EVI5: variants seen among roughly 807,000 people sequenced by gnomAD.
The protein encoded by EVI5 is ecotropic viral integration site 5 protein homolog.
A neutral mutation model predicts 112.0 loss-of-function variants in EVI5; 73 were observed. The observed-to-expected ratio is 0.65, with a 90% confidence interval of 0.54 to 0.79. The LOEUF (loss-of-function observed/expected upper bound fraction) is 0.79, where lower values mean the gene tolerates loss of function less well. Among genes scored for constraint, EVI5 ranks in the 30% least tolerant of loss-of-function variants. The pLI is 0.00. For missense variants in EVI5, 900 were observed against 968.8 expected (o/e 0.93, Z 0.94); for synonymous variants, 305 against 319.9 (o/e 0.95, Z 0.50).
intron 1 of EVI5, among the ~76,000 whole-genome samples, chr1:92,773,075 C>T (rs1192861908): frequency 1.3e-5 from 2 of 149,780 alleles, no homozygotes; most frequent in Non-Finnish European, 3.0e-5. Flanking sequence ...GATGTGGTGG[C>T]ACATGCCTGT....
chr1:92,759,467 G>C (rs945711357), intron 1 of EVI5, among the ~76,000 whole-genome samples: 4 of 152,086 alleles, frequency 2.6e-5, no homozygotes, highest in African/African-American at 9.7e-5. Context: ...TTTTTTAAAA[G>C]TATGTTTATA....
intron 4 of EVI5, 61 bp downstream of exon 4, chr1:92,703,334 T>C: frequency 2.0e-6 from 2 of 1,013,486 alleles, no homozygotes; most frequent in Non-Finnish European, 1.5e-6. Flanking sequence ...TCATGAAAAA[T>C]GTATAATTTC....
intron 19 of EVI5, 26 bp downstream of exon 19, chr1:92,563,616 T>C (rs752318907): frequency 4.1e-6 from 5 of 1,212,444 alleles, no homozygotes; most frequent in African/African-American, 1.5e-5. Context: ...GAAAGCAATA[T>C]GTGAAGATCA....
chr1:92,526,360 C>T (rs180981639), intron 19 of EVI5, among the ~76,000 whole-genome samples: 2 of 152,258 alleles, frequency 1.3e-5, no homozygotes, highest in East Asian at 3.9e-4. Flanking sequence ...TGCCCAGCCA[C>T]CAATTATTCT....
chr1:92,655,805 T>C (rs746585955), intron 13 of EVI5, among the ~76,000 whole-genome samples: 2 of 152,122 alleles, frequency 1.3e-5, no homozygotes, highest in Non-Finnish European at 2.9e-5. Flanking sequence ...GTACCCGATA[T>C]AGGAGGTACC....
At chr1:92,622,534 T>C (rs750496615) in intron 16 of EVI5, among the ~76,000 whole-genome samples, 1 of 152,216 alleles carries the variant, frequency 6.6e-6, no homozygotes, top group African/African-American at 2.4e-5. Context: ...GTCCTTAAAA[T>C]GACAGAACTG....
At chr1:92,593,559 A>G (rs1425617518) in intron 18 of EVI5, among the ~76,000 whole-genome samples, 1 of 152,150 alleles carries the variant, frequency 6.6e-6, no homozygotes, top group Non-Finnish European at 1.5e-5. Context: ...AGTGTTGGAA[A>G]TTCTGGCCAG....
At chr1:92,718,991 C>G (rs911198787) in intron 2 of EVI5, among the ~76,000 whole-genome samples, 1 of 152,128 alleles carries the variant, frequency 6.6e-6, no homozygotes, top group Non-Finnish European at 1.5e-5. Flanking sequence ...CCAAGCTAAA[C>G]CAGGAAGAAG....
intron 19 of EVI5, among the ~76,000 whole-genome samples, chr1:92,540,259 C>G (rs1664580578): frequency 6.6e-6 from 1 of 152,138 alleles, no homozygotes; most frequent in African/African-American, 2.4e-5. Flanking sequence ...TGAGGACCTG[C>G]TATATACTGT....
At chr1:92,746,403 G>A (rs955075561) in intron 1 of EVI5, among the ~76,000 whole-genome samples, 3 of 152,060 alleles carry the variant, frequency 2.0e-5, no homozygotes, top group African/African-American at 7.2e-5. Flanking sequence ...AATTCCCTTT[G>A]CAGCTATACA....
chr1:92,608,102 G>C lies in EVI5; in HGVS notation c.1828-375C>G, dbSNP rs2101609484. Among the ~76,000 whole-genome samples, 2 of 151,202 alleles carry C rather than the reference G, an allele frequency of 1.3e-5. 1 individual carries two copies. Among genetic ancestry groups the C allele is most frequent in the Middle Eastern group, 6.8e-3 (2 of 292 alleles). On this transcript the variant is annotated intron_variant, in intron 16 of 19. Transcript: ENST00000684568. ...GGAGGTGGAGCCTGCAGTGAGCGGAGACTGAGCCACTGCACTCCAGCCTGG... is the reference window on the plus strand; with the variant it reads ...GGAGGTGGAGCCTGCAGTGAGCGGACACTGAGCCACTGCACTCCAGCCTGG...
At chr1:92,525,287 T>TTTTTTTTG (rs59187992) in intron 19 of EVI5, among the ~76,000 whole-genome samples, 1 of 148,556 alleles carries the variant, frequency 6.7e-6, no homozygotes. Flanking sequence ...TTTTTTTTTT[T>TTTTTTTTG]GAGACAGAGT....
intron 18 of EVI5, among the ~76,000 whole-genome samples, chr1:92,593,703 A>C (rs1169445922): frequency 1.3e-5 from 2 of 152,202 alleles, no homozygotes; most frequent in African/African-American, 2.4e-5. Context: ...CCTTAAGCTG[A>C]TAAGCAACTT....
intron 13 of EVI5, among the ~76,000 whole-genome samples, chr1:92,648,034 C>T (rs545956917): frequency 6.9e-6 from 1 of 144,992 alleles, no homozygotes; most frequent in African/African-American, 2.5e-5. Flanking sequence ...CATGAGCCAC[C>T]ATGCCTGGCC....
intron 19 of EVI5, among the ~76,000 whole-genome samples, chr1:92,539,838 C>T (rs1439307331): frequency 6.6e-6 from 1 of 152,154 alleles, no homozygotes; most frequent in Non-Finnish European, 1.5e-5. Context: ...AAATAAACCA[C>T]ACACCTCTTA....
intron 10 of EVI5, among the ~76,000 whole-genome samples, chr1:92,673,891 T>C (rs981557766): frequency 6.6e-6 from 1 of 152,276 alleles, no homozygotes. Flanking sequence ...ACCCCAAAGG[T>C]CTTATAATTT....
At chr1:92,633,855 A>AGC (rs1319327940) in intron 14 of EVI5, among the ~76,000 whole-genome samples, 4 of 151,932 alleles carry the variant, frequency 2.6e-5, no homozygotes, top group Admixed American at 6.6e-5. Flanking sequence ...TTCCTTCAGG[A>AGC]GCTCTTTTAG....
At chr1:92,764,594 C>T (rs1682341897) in intron 1 of EVI5, among the ~76,000 whole-genome samples, 1 of 152,184 alleles carries the variant, frequency 6.6e-6, no homozygotes, top group Non-Finnish European at 1.5e-5. Flanking sequence ...GTACAAGATA[C>T]AGCATGCAAT....
At chr1:92,735,600 TTATG>T (rs1450532478) in intron 2 of EVI5, among the ~76,000 whole-genome samples, 5 of 146,290 alleles carry the variant, frequency 3.4e-5, no homozygotes, top group Non-Finnish European at 7.5e-5. Flanking sequence ...ATATATTATA[TTATG>T]TATTATATAT....
Sources: allele counts gnomAD v4.1 joint callset (sites outside exome capture counted in the v4.1 genomes callset), GRCh38; gene constraint gnomAD v4.1.1; transcripts MANE v1.5; gene names NCBI Gene and HGNC (gene_info 2026-07-23, HGNC 2026-07-21).